Variants in NEK6 observed in about 807,000 individuals in gnomAD.
The protein encoded by NEK6 is NIMA related kinase 6.
NEK6 carries 27 observed loss-of-function variants against 43.5 expected under a neutral mutation model. The observed-to-expected ratio is 0.62, with a 90% CI of 0.46 to 0.86. NEK6 has a LOEUF of 0.86. Ranked by LOEUF, NEK6 falls within the 40% of genes least tolerant of loss-of-function variation. The pLI is 0.00. For synonymous variants in NEK6, 167 were observed against 164.1 expected, an observed-to-expected ratio of 1.02 and a Z score of -0.14; for missense variants, 318 against 414.4, an observed-to-expected ratio of 0.77 and a Z score of 2.02.
chr9:124,265,729 T>C (rs955647484), intron 1 of NEK6: 1 of 152,198 alleles, frequency 6.6e-6, no homozygotes, highest in African/African-American at 2.4e-5. Context: ...GGTGAAAAGT[T>C]TTGATGCAAA....
intron 1 of NEK6, among the ~76,000 whole-genome samples, chr9:124,269,614 C>T (rs758323071): frequency 7.9e-5 from 12 of 152,018 alleles, no homozygotes; most frequent in East Asian, 1.9e-4. Context: ...CCGCCTGCCT[C>T]GGTGGACTTT....
intron 1 of NEK6, among the ~76,000 whole-genome samples, chr9:124,285,670 G>A (rs1324229385): frequency 1.3e-5 from 2 of 152,140 alleles, no homozygotes; most frequent in Admixed American, 6.5e-5. Context: ...TGTCCAAGCC[G>A]CAGATGCAAA....
At chr9:124,315,266 C>T (rs1032704165) in intron 4 of NEK6, among the ~76,000 whole-genome samples, 2 of 152,182 alleles carry the variant, frequency 1.3e-5, no homozygotes, top group Non-Finnish European at 2.9e-5. Flanking sequence ...TCTGGAAGGC[C>T]GAAGTGAGCC....
intron 8 of NEK6, among the ~76,000 whole-genome samples, chr9:124,345,626 C>T (rs923530572): frequency 2.2e-4 from 33 of 152,160 alleles, no homozygotes; most frequent in Non-Finnish European, 2.9e-4. Flanking sequence ...AGTTGAAGAT[C>T]GGCTGATTCC....
intron 1 of NEK6, among the ~76,000 whole-genome samples, chr9:124,300,846 G>A (rs1832933911): frequency 6.6e-6 from 1 of 152,220 alleles, no homozygotes; most frequent in East Asian, 1.9e-4. Context: ...GGGTACAGCT[G>A]AGCTGCTCCA....
At chr9:124,271,723 T>C (rs1429075383) in intron 1 of NEK6, among the ~76,000 whole-genome samples, 1 of 152,244 alleles carries the variant, frequency 6.6e-6, no homozygotes, top group Non-Finnish European at 1.5e-5. Context: ...GCTGGGCCTC[T>C]TGCCCCCACC....
chr9:124,334,159 G>A (rs75821092), intron 7 of NEK6, among the ~76,000 whole-genome samples: 54 of 152,278 alleles, frequency 3.5e-4, no homozygotes, highest in East Asian at 2.5e-3. Context: ...GCCTCCTGAT[G>A]GGCCCACTCC....
rs1004044971 is a variant in NEK6, at chr9:124,324,609, C to T, written c.406-1721C>T. Among the ~76,000 whole-genome samples, 1 of 152,212 alleles carries T rather than the reference C, an allele frequency of 6.6e-6. No homozygotes were observed. The highest frequency in any genetic ancestry group is 1.5e-5 in the Non-Finnish European group (1 of 68,022). ...TTCACTCACATCACAGCGTGAATAA[C>T]ATCCCGGCCTGGCCCGCCACAGGCC... is the stretch of plus-strand genomic sequence containing the variant. On this transcript the variant is annotated intron_variant, in intron 5 of 9. Transcript: ENST00000320246. The surrounding 1 kb of genome is among the most constrained non-coding windows in gnomAD (Gnocchi z 5.3).
intron 2 of NEK6, among the ~76,000 whole-genome samples, chr9:124,303,390 G>T (rs1833094531): frequency 6.6e-6 from 1 of 152,218 alleles, no homozygotes; most frequent in South Asian, 2.1e-4. Context: ...AGGTTGCCAT[G>T]TACAGTTGTA....
At chr9:124,340,938 T>C (rs1484825576) in intron 8 of NEK6, among the ~76,000 whole-genome samples, 1 of 152,260 alleles carries the variant, frequency 6.6e-6, no homozygotes, top group Non-Finnish European at 1.5e-5. Context: ...CAGGGGGTCT[T>C]GTGGCCAGGG....
chr9:124,334,503 C>T (rs1370472779), intron 7 of NEK6, among the ~76,000 whole-genome samples: 1 of 152,190 alleles, frequency 6.6e-6, no homozygotes, highest in Non-Finnish European at 1.5e-5. Context: ...GCTGGTGCCC[C>T]CAATCTCTCT....
At chr9:124,296,615 G>T (rs1832700981) in intron 1 of NEK6, among the ~76,000 whole-genome samples, 1 of 152,210 alleles carries the variant, frequency 6.6e-6, no homozygotes, top group South Asian at 2.1e-4. Context: ...AGCAAGGAGA[G>T]GTGTAAGATC....
At chr9:124,266,687 G>A (rs1460368489) in intron 1 of NEK6, among the ~76,000 whole-genome samples, 1 of 152,236 alleles carries the variant, frequency 6.6e-6, no homozygotes, top group African/African-American at 2.4e-5. Flanking sequence ...GGCCAGCATT[G>A]TGCCTGACAC....
intron 7 of NEK6, among the ~76,000 whole-genome samples, chr9:124,338,936 TC>T (rs990605155): frequency 6.5e-4 from 17 of 26,218 alleles, no homozygotes; most frequent in African/African-American, 2.0e-3. Flanking sequence ...GTCAGTTGCT[TC>T]CCCCAGCCGG....
intron 1 of NEK6, among the ~76,000 whole-genome samples, chr9:124,266,944 A>G (rs917489414): frequency 5.3e-5 from 8 of 152,042 alleles, no homozygotes; most frequent in African/African-American, 1.7e-4. Flanking sequence ...GAAGGGCTCT[A>G]CCTCCCAGAG....
At chr9:124,270,132 C>A (rs376493736) in intron 1 of NEK6, among the ~76,000 whole-genome samples, 1 of 152,106 alleles carries the variant, frequency 6.6e-6, no homozygotes, top group Non-Finnish European at 1.5e-5. Context: ...TGTGCTCCAT[C>A]CCCCGGCATC....
intron 7 of NEK6, among the ~76,000 whole-genome samples, chr9:124,336,628 C>G (rs989547888): frequency 1.3e-5 from 2 of 152,216 alleles, no homozygotes; most frequent in South Asian, 4.1e-4. Context: ...CAGCTCACCA[C>G]AGAGACTGGT....
chr9:124,322,859 G>A lies in NEK6; in HGVS notation c.405+1290G>A, dbSNP rs533504634. ...AAATTTGGGTCCTAGGAATACAGGC[G>A]TCACTGGGAAGTGGCATTACTTGAG... On this transcript the variant is annotated intron_variant, in intron 5 of 9. Coordinates refer to ENST00000320246, the MANE Select transcript of NEK6 (RefSeq NM_014397.6). Among the ~76,000 whole-genome samples the A allele has an allele frequency of 3.2e-4, 48 of 152,364 alleles. 1 individual carries two copies. Among genetic ancestry groups the A allele is most frequent in the South Asian group, 2.9e-3 (14 of 4,834 alleles).
In NEK6 at chr9:124,313,967, G is replaced by A. The variant is rs1435690768; in HGVS notation, c.276G>A (p.Lys92=). The A allele has an allele frequency of 1.9e-6, 3 of 1,614,092 alleles. No individual in the cohort carries two copies. Among genetic ancestry groups the A allele is most frequent in the East Asian group, 2.2e-5 (1 of 44,892 alleles). The stretch of plus-strand genomic sequence containing the variant: ...CCAAGGCGAGGCAGGACTGTGTCAA[G>A]GAGATCGGCCTCTTGAAGGTGAGCA... The part of the protein sequence containing the change: ...MDAKARQDCV[K]EIGLLKQLNH... Residue 92 remains lysine (K), a synonymous_variant, in exon 4 of 10, where the codon AAG becomes AAA. Transcript: ENST00000320246.
Sources: allele counts gnomAD v4.1 joint callset (sites outside exome capture counted in the v4.1 genomes callset), GRCh38; gene constraint gnomAD v4.1.1; non-coding constraint Gnocchi (gnomAD v3.1); transcripts MANE v1.5; gene names NCBI Gene and HGNC (gene_info 2026-07-23, HGNC 2026-07-21).